AGBL1: variants seen among roughly 807,000 people sequenced by gnomAD.
The protein encoded by AGBL1 is AGBL carboxypeptidase 1.
A neutral mutation model predicts 118.9 loss-of-function variants in AGBL1; 130 were observed. The ratio of observed to expected loss-of-function variants is 1.09; its 90% CI spans 0.95 to 1.26. The LOEUF (loss-of-function observed/expected upper bound fraction) is 1.26, where lower values mean the gene tolerates loss of function less well. Among genes scored for constraint, AGBL1 ranks in the 50% most tolerant of loss-of-function variants. The pLI, the probability that AGBL1 is intolerant of heterozygous loss-of-function variation, is 0.00. For missense variants in AGBL1, 1,584 were observed against 1,298.1 expected (o/e 1.22, Z -3.38); for synonymous variants, 555 against 478.9 (o/e 1.16, Z -2.08).
chr15:86,905,904 G>A (rs2080274685), intron 22 of AGBL1, among the ~76,000 whole-genome samples: 1 of 152,164 alleles, frequency 6.6e-6, no homozygotes, highest in African/African-American at 2.4e-5. Flanking sequence ...TTGTGATGCT[G>A]TAGAAACAAG....
chr15:86,205,309 C>T (rs1186155557), intron 5 of AGBL1, among the ~76,000 whole-genome samples: 1 of 152,180 alleles, frequency 6.6e-6, no homozygotes, highest in Non-Finnish European at 1.5e-5. Flanking sequence ...TTGTGAATAA[C>T]ATTCCATTGT....
intron 22 of AGBL1, among the ~76,000 whole-genome samples, chr15:86,898,934 T>A (rs897108324): frequency 1.3e-5 from 2 of 152,166 alleles, no homozygotes; most frequent in Admixed American, 1.3e-4. Flanking sequence ...ACATATACTG[T>A]TGGTGGGAGT....
intron 21 of AGBL1, among the ~76,000 whole-genome samples, chr15:86,565,836 G>T (rs887896206): frequency 1.3e-5 from 2 of 152,224 alleles, no homozygotes; most frequent in African/African-American, 4.8e-5. Flanking sequence ...AATGGTGGGT[G>T]CCCCTCCCCC....
intron 23 of AGBL1, among the ~76,000 whole-genome samples, chr15:86,982,665 A>T (rs1346653139): frequency 6.6e-6 from 1 of 152,128 alleles, no homozygotes; most frequent in Non-Finnish European, 1.5e-5. Context: ...ATGATGATTC[A>T]CTTCCACTTA....
intron 9 of AGBL1, among the ~76,000 whole-genome samples, chr15:86,259,576 T>C (rs1447489936): frequency 6.6e-6 from 1 of 152,220 alleles, no homozygotes; most frequent in Non-Finnish European, 1.5e-5. Context: ...GTAGCAGACA[T>C]ACAGGGACTA....
chr15:86,449,617 T>A (rs1412382757), intron 18 of AGBL1, among the ~76,000 whole-genome samples: 1 of 152,216 alleles, frequency 6.6e-6, no homozygotes, highest in Non-Finnish European at 1.5e-5. Context: ...GATTAAGTAA[T>A]GAATAGCACA....
chr15:86,427,780 C>T lies in AGBL1; in HGVS notation c.2555+30234C>T, dbSNP rs146182449. 6.8e-3 allele frequency among the ~76,000 whole-genome samples: 1,038 copies of T among 152,244 alleles called. 16 individuals are homozygous for T. Among genetic ancestry groups the T allele is most frequent in the African/African-American group, 0.022 (910 of 41,532 alleles). ...ACTACTTATTTGACTTTAACACTAG[C>T]GGTTTTTGTGCTTGTTTAGGCCTAT... On this transcript the variant is annotated intron_variant, in intron 18 of 22. Coordinates refer to ENST00000614907, the MANE Select transcript of AGBL1 (RefSeq NM_001386094.1).
chr15:86,163,116 C>T (rs79109451), intron 5 of AGBL1, among the ~76,000 whole-genome samples: 6,238 of 152,276 alleles, frequency 0.041, 234 homozygotes, highest in African/African-American at 0.1. Flanking sequence ...CCTAGCCCAG[C>T]GCCTAGATAA....
intron 9 of AGBL1, 30 bp downstream of exon 9, chr15:86,258,061 T>G: frequency 6.2e-7 from 1 of 1,603,690 alleles, no homozygotes; most frequent in East Asian, 2.2e-5. Context: ...CTTCTAATGA[T>G]GTCCATAGTC....
Position 87,010,088 on chromosome 15 carries a change from CA to C in AGBL1, c.3324-18736del, listed in dbSNP as rs371080711. ...TGAGGACATGAGATTTGGGAGGGGC[CA>C]GGGGTGGAATGATATGGTTTGGCTG... On this transcript the variant is annotated intron_variant, in intron 24 of 24. Transcript: ENST00000441037. Among the ~76,000 whole-genome samples the C allele has an allele frequency of 4.8e-4, 73 of 152,044 alleles. No homozygotes were observed. The East Asian group carries it at 0.012, about 25-fold the overall frequency.
chr15:86,420,229 C>T (rs1377332352), intron 18 of AGBL1, among the ~76,000 whole-genome samples: 3 of 152,152 alleles, frequency 2.0e-5, no homozygotes, highest in African/African-American at 7.2e-5. Context: ...CGGCTGGCAT[C>T]CAGTGAGTGC....
intron 22 of AGBL1, among the ~76,000 whole-genome samples, chr15:86,841,363 C>G (rs6496368): frequency 0.9 from 137,030 of 152,256 alleles, 61,742 homozygotes; most frequent in East Asian, 1. Flanking sequence ...GAAATAGGTG[C>G]ACAATTCTAT....
Position 86,528,315 on chromosome 15 carries a change from A to G in AGBL1, c.2685+5376A>G, listed in dbSNP as rs2083296539. Among the ~76,000 whole-genome samples the G allele has an allele frequency of 3.9e-5, 6 of 152,222 alleles. No individual in the cohort carries two copies. In the South Asian group the frequency reaches 1.2e-3, roughly 31 times the overall value. ...ACCTGGGAAGCGCAAGGGGTCAGGG[A>G]GTTCCCTCTCCGAGTCAAAGAAAGG... On this transcript the variant is annotated intron_variant, in intron 19 of 22. Coordinates refer to ENST00000614907, the MANE Select transcript of AGBL1 (RefSeq NM_001386094.1).
At position 86,727,516 on chromosome 15, in the gene AGBL1, G is replaced by C. The variant is rs1322803421; in HGVS notation, c.3158+53080G>C. On this transcript the variant is annotated intron_variant, in intron 22 of 22. Transcript: ENST00000614907. ...CCTTGCTGGATAAAAGAAATGTATA[G>C]GGATAGTTCTTCCCCAAGAACTTGT... 2.6e-5 allele frequency among the ~76,000 whole-genome samples: 4 copies of C among 152,196 alleles called. No individual in the cohort carries two copies. The East Asian group carries it at 7.7e-4, about 29-fold the overall frequency.
At chr15:86,835,838 C>T (rs2079163327) in intron 22 of AGBL1, among the ~76,000 whole-genome samples, 1 of 152,058 alleles carries the variant, frequency 6.6e-6, no homozygotes, top group African/African-American at 2.4e-5. Context: ...CTGGACCTGC[C>T]ATCATGCACA....
At chr15:86,252,971 A>G (rs898906378) in intron 7 of AGBL1, among the ~76,000 whole-genome samples, 4 of 152,182 alleles carry the variant, frequency 2.6e-5, no homozygotes, top group African/African-American at 4.8e-5. Context: ...GCAGGAGTCG[A>G]AGAGCTGCTG....
intron 22 of AGBL1, among the ~76,000 whole-genome samples, chr15:86,899,236 G>A (rs111740308): frequency 0.24 from 36,374 of 152,124 alleles, 5,013 homozygotes; most frequent in Middle Eastern, 0.38. Flanking sequence ...TCTTTTGTGG[G>A]AACGTGGATG....
chr15:86,530,434 T>G (rs1003509337), intron 19 of AGBL1, among the ~76,000 whole-genome samples: 19 of 137,578 alleles, frequency 1.4e-4, no homozygotes, highest in Non-Finnish European at 6.1e-5. Context: ...ATGCACCCAA[T>G]ACAGGAGCAC....
rs1439431228 is a variant in AGBL1, at chr15:86,395,682, C to T, written c.2375-1684C>T. Among the ~76,000 whole-genome samples the T allele has an allele frequency of 7.1e-5, 9 of 126,686 alleles. No homozygotes were observed. In the South Asian group the frequency reaches 7.8e-4, roughly 11 times the overall value. 83.1% of individuals were successfully genotyped at this position (126,686 alleles called of 152,430 possible). The stretch of plus-strand genomic sequence containing the variant: ...AGGAGCTGAAGTAACCTGTTTTCAC[C>T]GTAGTCAGTAAAAATGCACTGATCT... On this transcript the variant is annotated intron_variant, in intron 17 of 22. Coordinates refer to ENST00000614907, the MANE Select transcript of AGBL1 (RefSeq NM_001386094.1).
Sources: allele counts gnomAD v4.1 joint callset (sites outside exome capture counted in the v4.1 genomes callset), GRCh38; gene constraint gnomAD v4.1.1; transcripts MANE v1.5; gene names NCBI Gene and HGNC (gene_info 2026-07-23, HGNC 2026-07-21).